The following APC variants were observed in gnomAD, a reference collection of about 807,000 sequenced individuals.
APC encodes the protein APC regulator of Wnt signaling pathway, also known as adenomatous polyposis coli protein.
In APC, 72 loss-of-function variants were observed where a neutral mutation model predicts 247.0. The ratio of observed to expected loss-of-function variants is 0.29; its 90% CI spans 0.24 to 0.35. The LOEUF (loss-of-function observed/expected upper bound fraction) is 0.35. APC is among the 10% of genes least tolerant of loss of function. The pLI is 1.00. For synonymous variants in APC, 1,254 were observed against 1,162.5 expected, an observed-to-expected ratio of 1.08 and a Z score of -1.60; for missense variants, 3,400 against 3,360.7, an observed-to-expected ratio of 1.01 and a Z score of -0.29.
At chr5:112,737,763 C>A, upstream of APC, 1 of 851,090 alleles carries the variant, frequency 1.2e-6, no homozygotes, top group Non-Finnish European at 1.4e-6. Flanking sequence ...AGAGAAGCAG[C>A]TGTGTAATCC....
intron 7 of APC, among the ~76,000 whole-genome samples, chr5:112,800,887 G>A (rs541377691): frequency 8.6e-5 from 13 of 151,940 alleles, no homozygotes; most frequent in Non-Finnish European, 1.6e-4. Flanking sequence ...ATATTTGTAA[G>A]CTTAGGTAAT....
chr5:112,808,621 G>C (rs1042605583), intron 8 of APC, among the ~76,000 whole-genome samples: 4 of 151,978 alleles, frequency 2.6e-5, no homozygotes, highest in Non-Finnish European at 5.9e-5. Flanking sequence ...TCCCCAGGCT[G>C]GTCTTGAACT....
At chr5:112,764,720 G>A (rs965941718) in intron 2 of APC, among the ~76,000 whole-genome samples, 5 of 152,110 alleles carry the variant, frequency 3.3e-5, no homozygotes, top group African/African-American at 9.7e-5. Flanking sequence ...TTGTGAGACC[G>A]GAAGCCTGAG....
intron 2 of APC, among the ~76,000 whole-genome samples, chr5:112,755,500 T>C (rs551150730): frequency 5.3e-5 from 8 of 152,362 alleles, no homozygotes; most frequent in Admixed American, 2.0e-4. Flanking sequence ...CCTGGTTCTA[T>C]CCCTGGCTTT....
chr5:112,825,792 G>A (rs1228296889), intron 11 of APC, among the ~76,000 whole-genome samples: 2 of 152,178 alleles, frequency 1.3e-5, no homozygotes, highest in African/African-American at 4.8e-5. Flanking sequence ...CTAATCCCAG[G>A]TCTAAGTTAA....
rs773400235 is a variant in APC at position 112,828,014 on chromosome 5, T to G, written c.1626+8T>G. 8 of 1,610,430 alleles carry G rather than the reference T, an allele frequency of 5.0e-6. No homozygotes were observed. Among genetic ancestry groups the G allele is most frequent in the Non-Finnish European group, 5.9e-6 (7 of 1,178,166 alleles). On this transcript the variant is annotated splice_region_variant and intron_variant, in intron 13 of 15. Transcript: ENST00000257430. ...AGTGAAGACTTACAGCAGGTACTAT[T>G]TAGAATTTCACCTGTTTTTCTTTTT...
intron 6 of APC, among the ~76,000 whole-genome samples, chr5:112,784,260 G>A (rs1317086032): frequency 6.6e-6 from 1 of 152,102 alleles, no homozygotes; most frequent in African/African-American, 2.4e-5. Flanking sequence ...TAGAAACAGG[G>A]TTTCACCATA....
At chr5:112,780,559 G>A (rs1180903014) in intron 5 of APC, among the ~76,000 whole-genome samples, 1 of 152,180 alleles carries the variant, frequency 6.6e-6, no homozygotes, top group Non-Finnish European at 1.5e-5. Context: ...AAAGCCACTT[G>A]TGACTTTGGC....
chr5:112,786,244 G>T (rs555443166), intron 6 of APC, among the ~76,000 whole-genome samples: 3 of 148,800 alleles, frequency 2.0e-5, no homozygotes, highest in Non-Finnish European at 4.5e-5. Flanking sequence ...CGTGTACATC[G>T]CACCTGCCTA....
chr5:112,837,503 C>A (rs1431780021), intron 15 of APC, 50 bp from the exon 16 acceptor site: 1 of 1,350,964 alleles, frequency 7.4e-7, no homozygotes, highest in African/African-American at 1.4e-5. Context: ...TTTGTTGTTA[C>A]TGCATACACA....
Position 112,713,170 on chromosome 5 carries a change from C to CAAAA in APC, c.165+5301_165+5304dup, listed in dbSNP as rs10625710. On this transcript the variant is annotated intron_variant, in intron 1 of 13. Coordinates refer to the APC transcript ENST00000507379. Reference sequence around the variant, plus strand: ...TGGGTGACAGAGCGAGACTCCATAGCAAAAAAAAAAAAAAAACCAGTATCT... The same window carrying CAAAA: ...TGGGTGACAGAGCGAGACTCCATAGCAAAAAAAAAAAAAAAAAAAACCAGTATCT... Among the ~76,000 whole-genome samples the CAAAA allele has an allele frequency of 4.5e-4, 49 of 107,864 alleles. 1 individual carries two copies. The highest frequency in any genetic ancestry group is 6.8e-4 in the Non-Finnish European group (38 of 56,088). 70.8% of individuals were successfully genotyped at this position (107,864 alleles called of 152,430 possible). A position where few individuals can be genotyped will look rare whatever the true frequency, so the allele number is the denominator to read the frequency against.
intron 8 of APC, among the ~76,000 whole-genome samples, chr5:112,807,797 A>T (rs1032341605): frequency 1.3e-5 from 2 of 152,200 alleles, no homozygotes; most frequent in African/African-American, 2.4e-5. Flanking sequence ...AGAAGATTCC[A>T]GGCATCATCA....
rs764752578 is a variant in APC at position 112,838,049 on chromosome 5, A to T, written c.2455A>T (p.Met819Leu). The change falls in exon 16 of 16, where the codon ATG becomes TTG. Residue 819 changes from methionine (M) to leucine (L), a missense_variant. This residue lies in a region of APC where 715 missense variants were observed against 656.6 expected (regional missense o/e 1.09). Transcript: ENST00000257430. ...GTCAGACAATTTTAATACTGGCAAC[A>T]TGACTGTCCTTTCACCATATTTGAA... ...NRSDNFNTGN[M>L]TVLSPYLNTT... The T allele has an allele frequency of 1.2e-6, 2 of 1,614,204 alleles. No individual in the cohort carries two copies. Among genetic ancestry groups the T allele is most frequent in the South Asian group, 1.1e-5 (1 of 91,076 alleles).
chr5:112,821,840 C>A, intron 10 of APC, 56 bp from the exon 11 acceptor site: 1 of 1,373,004 alleles, frequency 7.3e-7, no homozygotes. Flanking sequence ...GTACAATAAA[C>A]ATCATTGCTC....
rs730881243 is a variant in APC at position 112,838,551 on chromosome 5, A to C, written c.2957A>C (p.Tyr986Ser). The change falls in exon 16 of 16, where the codon TAT (tyrosine) becomes TCT (serine). Residue 986 changes from tyrosine (Y) to serine (S), a missense_variant. Tyr to Ser is a moderately radical substitution (Grantham distance 144, BLOSUM62 -2). Around this residue, in one of 9 missense-constraint regions of APC, gnomAD observed 715 missense variants for 656.6 expected, o/e 1.09. Transcript: ENST00000257430. ...CAAATGAAACCCTCGATTGAATCCT[A>C]TTCTGAAGATGATGAAAGTAAGTTT... ...RGQMKPSIES[Y>S]SEDDESKFCS... is the part of the protein sequence containing the mutation. 5 of 1,614,240 alleles carry C rather than the reference A, an allele frequency of 3.1e-6. No homozygotes were observed. Among genetic ancestry groups the C allele is most frequent in the Non-Finnish European group, 4.2e-6 (5 of 1,180,034 alleles).
chr5:112,739,844 G>A (rs554698039), intron 1 of APC, among the ~76,000 whole-genome samples: 2 of 152,280 alleles, frequency 1.3e-5, no homozygotes, highest in South Asian at 4.1e-4. Flanking sequence ...GTGTTTGAGA[G>A]TCTATAAAAC....
In APC at chr5:112,844,198, G is replaced by T; in HGVS notation, c.*72G>T. 7.0e-7 allele frequency: 1 copy of T among 1,430,530 alleles called. No individual in the cohort carries two copies. The highest frequency in any genetic ancestry group is 9.6e-7 in the Non-Finnish European group (1 of 1,045,360). 88.6% of individuals were successfully genotyped at this position (1,430,530 alleles called of 1,614,324 possible). On this transcript the variant is annotated 3_prime_UTR_variant, in exon 16 of 16. Coordinates refer to ENST00000257430, the MANE Select transcript of APC (RefSeq NM_000038.6). ...GCTATATAGACATTTTGTTTCAAAT[G>T]AAACTTTAAAAGACTGAAAAATTTT... is the stretch of plus-strand genomic sequence containing the variant.
chr5:112,732,542 T>G (rs1752150858), intron 1 of APC, among the ~76,000 whole-genome samples: 1 of 152,224 alleles, frequency 6.6e-6, no homozygotes, highest in Admixed American at 6.5e-5. Flanking sequence ...TGCTCTACTA[T>G]TATTCCGTGA....
chr5:112,805,473 A>T (rs1210308185), intron 8 of APC, among the ~76,000 whole-genome samples: 3 of 152,196 alleles, frequency 2.0e-5, no homozygotes, highest in African/African-American at 7.2e-5. Context: ...TAGCAGTAGC[A>T]ATCATAGACT....
Sources: allele counts gnomAD v4.1 joint callset (sites outside exome capture counted in the v4.1 genomes callset), GRCh38; gene constraint gnomAD v4.1.1; regional missense constraint gnomAD v4.1.1; transcripts MANE v1.5; gene names NCBI Gene and HGNC (gene_info 2026-07-23, HGNC 2026-07-21).